Variants in NSUN5 observed in about 807,000 individuals in gnomAD.
The protein encoded by NSUN5 is 28S rRNA (cytosine-C(5))-methyltransferase.
Under a neutral mutation model 51.1 loss-of-function variants are expected in NSUN5, and 39 were observed. The observed-to-expected ratio is 0.76, with a 90% CI of 0.59 to 1.00. NSUN5 has a LOEUF of 1.00. Ranked by LOEUF, NSUN5 falls within the 50% of genes least tolerant of loss-of-function variation. NSUN5 has a pLI of 0.00. For missense variants in NSUN5, 526 were observed against 614.0 expected (o/e 0.86, Z 1.51); for synonymous variants, 266 against 271.5 (o/e 0.98, Z 0.20).
Position 73,303,812 on chromosome 7 carries a change from C to T in NSUN5, c.1145+14G>A, listed in dbSNP as rs372980729. 35 of 1,613,760 alleles carry T rather than the reference C, an allele frequency of 2.2e-5. No individual in the cohort carries two copies. Among genetic ancestry groups the T allele is most frequent in the Middle Eastern group, 3.3e-4 (2 of 6,032 alleles). ...CGTCCCCCACTCCCCACGACCCTGG[C>T]GCCCGCCCTGTACCTGAAGGCGCCC... On this transcript the variant is annotated intron_variant, in intron 8 of 9. Coordinates refer to ENST00000438747, the MANE Select transcript of NSUN5 (RefSeq NM_148956.4).
At chr7:73,306,385 C>CAAAAAAAA (rs36038371) in intron 4 of NSUN5, among the ~76,000 whole-genome samples, 1 of 26,020 alleles carries the variant, frequency 3.8e-5, no homozygotes, top group African/African-American at 2.1e-4. Flanking sequence ...ACCCTTGTCT[C>CAAAAAAAA]AAAAAAAAAA....
chr7:73,302,974 T>C lies in NSUN5; in HGVS notation c.*441A>G, dbSNP rs1554540865. 1.7e-6 allele frequency: 2 copies of C among 1,162,630 alleles called. No individual in the cohort carries two copies. Among genetic ancestry groups the C allele is most frequent in the South Asian group, 2.2e-5 (1 of 46,134 alleles). The allele number at this position is 1,162,630 out of a possible 1,614,324, so 72.0% of individuals were successfully genotyped here. On this transcript the variant is annotated 3_prime_UTR_variant, in exon 10 of 10. Coordinates refer to ENST00000438747, the MANE Select transcript of NSUN5 (RefSeq NM_148956.4). Reference sequence around the variant, plus strand: ...CAATCAAGCTTCTACCTGTACCTTATGTAAGGTAGACCCTCCTAGTGTCAG... The same window carrying C: ...CAATCAAGCTTCTACCTGTACCTTACGTAAGGTAGACCCTCCTAGTGTCAG...
chr7:73,308,059 G>T, intron 2 of NSUN5: 1 of 461,012 alleles, frequency 2.2e-6, no homozygotes, highest in Non-Finnish European at 3.9e-6. Context: ...TTTAGAATGG[G>T]GTCTAGCTCT....
At chr7:73,308,807 ACGGCTCTGTGGCAAAACGCACC>A in exon 1 of NSUN5, 1 of 1,609,536 alleles carries the variant, frequency 6.2e-7, no homozygotes. Flanking sequence ...GCGCGCCTTT[ACGGCTCTGTGGCAAAACGCACC>A]CGGCTCGGCG....
intron 2 of NSUN5, 36 bp from the exon 3 acceptor site, chr7:73,307,793 C>T (rs1586465151): frequency 6.6e-7 from 1 of 1,514,640 alleles, no homozygotes; most frequent in East Asian, 2.5e-5. Flanking sequence ...AACAAAAATG[C>T]CCTAAGCATG....
intron 4 of NSUN5, 99 bp downstream of exon 4, chr7:73,307,295 G>T: frequency 1.2e-6 from 1 of 854,286 alleles, no homozygotes; most frequent in Non-Finnish European, 1.9e-6. Context: ...AAGGTAGGAA[G>T]AAAGCCCAGA....
chr7:73,306,618 G>A (rs1389154662), intron 4 of NSUN5, among the ~76,000 whole-genome samples: 1 of 151,396 alleles, frequency 6.6e-6, no homozygotes, highest in Non-Finnish European at 1.5e-5. Context: ...GGTGGCTCAC[G>A]CCTGTAATCC....
intron 7 of NSUN5, 41 bp downstream of exon 7, chr7:73,304,188 TG>T (rs1803936168): frequency 6.3e-7 from 1 of 1,576,540 alleles, no homozygotes; most frequent in Admixed American, 1.8e-5. Context: ...TAAGCTGCTG[TG>T]GATCTGCGAG....
At chr7:73,304,618 G>A in intron 6 of NSUN5, 129 bp downstream of exon 6, 8 of 939,178 alleles carry the variant, frequency 8.5e-6, no homozygotes, top group Admixed American at 6.0e-5. Context: ...CTTAGCTTGG[G>A]GCAAATACCG....
chr7:73,303,217 T>C lies in NSUN5; in HGVS notation c.*198A>G, dbSNP rs1437177017. On this transcript the variant is annotated 3_prime_UTR_variant, in exon 10 of 10. Coordinates refer to ENST00000438747, the MANE Select transcript of NSUN5 (RefSeq NM_148956.4). ...GCTTGTGACATTAAGAATAAAAAAC[T>C]GTGATCTATCGTAGAGTACGTTCTG... The C allele has an allele frequency of 2.0e-6, 3 of 1,512,614 alleles. No homozygotes were observed. The highest frequency in any genetic ancestry group is 2.7e-6 in the Non-Finnish European group (3 of 1,131,870). 93.7% of individuals were successfully genotyped at this position (1,512,614 alleles called of 1,614,324 possible).
chr7:73,307,907 C>G, intron 2 of NSUN5, 150 bp from the exon 3 acceptor site: 1 of 723,394 alleles, frequency 1.4e-6, no homozygotes, highest in South Asian at 2.0e-5. Context: ...CAAGATCACA[C>G]CAGAAATTAA....
At chr7:73,306,802 AC>A (rs1218706610) in intron 4 of NSUN5, among the ~76,000 whole-genome samples, 8 of 151,960 alleles carry the variant, frequency 5.3e-5, no homozygotes, top group South Asian at 2.1e-4. Flanking sequence ...CATCGCTTGA[AC>A]CCGGGAGGCA....
rs782046370 is a variant in NSUN5 at position 73,307,718 on chromosome 7, C to T, written c.256G>A (p.Gly86Arg). 8.2e-6 allele frequency: 13 copies of T among 1,584,308 alleles called. No individual in the cohort carries two copies. The highest frequency in any genetic ancestry group is 1.1e-5 in the Non-Finnish European group (13 of 1,165,584). ...AGAGCCTTCCATCGGCCCCCACCCCCTCGAAAGCCCTTTCCCAACAACAAC... is the reference window on the plus strand; with the variant it reads ...AGAGCCTTCCATCGGCCCCCACCCCTTCGAAAGCCCTTTCCCAACAACAAC... ...YELLLGKGFR[G>R]GGGRWKALLG... The change falls in exon 3 of 10, where the codon GGG becomes AGG. Residue 86 changes from glycine to arginine, a missense_variant. Coordinates refer to ENST00000438747, the MANE Select transcript of NSUN5 (RefSeq NM_148956.4).
At chr7:73,308,054 A>C in intron 2 of NSUN5, 1 of 463,836 alleles carries the variant, frequency 2.2e-6, no homozygotes, top group Non-Finnish European at 3.8e-6. Flanking sequence ...TTCTTTTTAG[A>C]ATGGGGTCTA....
intron 2 of NSUN5, chr7:73,308,070 G>A: frequency 2.2e-6 from 1 of 455,278 alleles, no homozygotes; most frequent in Non-Finnish European, 3.9e-6. Context: ...GTCTAGCTCT[G>A]TCGCCCAGGC....
Position 73,303,660 on chromosome 7 carries a change from G to A in NSUN5, c.1226C>T (p.Pro409Leu). 3.7e-6 allele frequency: 6 copies of A among 1,614,204 alleles called. No homozygotes were observed. The highest frequency in any genetic ancestry group is 5.1e-6 in the Non-Finnish European group (6 of 1,180,022). The change falls in exon 9 of 10, where the codon CCT becomes CTT. Residue 409 changes from proline (P) to leucine (L), a missense_variant. Physicochemically the swap from Pro to Leu is moderately conservative, Grantham distance 98. Transcript: ENST00000438747. The stretch of plus-strand genomic sequence containing the variant: ...GAAGCCACTGCTGAGTGTGGTCTCA[G>A]GGGAGGCCCGGAGGCAGTGCTCGGC... ...PGAEHCLRAS[P>L]ETTLSSGFFV...
Position 73,308,477 on chromosome 7 carries a change from G to A in NSUN5, c.170C>T (p.Ala57Val). ...SAVLDAVIAS[A>V]GLLRAEKKLR... The stretch of plus-strand genomic sequence containing the variant: ...CTTCTTCTCCGCACGGAGGAGGCCG[G>A]CGCTGGCGATCACAGCATCCAGCAC... The change falls in exon 2 of 10, where the codon GCC (alanine) becomes GTC (valine). Residue 57 changes from alanine (A) to valine (V), a missense_variant. Physicochemically the swap from Ala to Val is moderately conservative, Grantham distance 64. Coordinates refer to ENST00000438747, the MANE Select transcript of NSUN5 (RefSeq NM_148956.4). 2.5e-6 allele frequency: 4 copies of A among 1,608,156 alleles called. No homozygotes were observed. The highest frequency in any genetic ancestry group is 2.2e-5 in the South Asian group (2 of 90,900).
In NSUN5 at chr7:73,302,785, G is replaced by A. The variant is rs1477408812; in HGVS notation, c.*630C>T. 1.4e-5 allele frequency: 14 copies of A among 987,312 alleles called. No individual in the cohort carries two copies. Among genetic ancestry groups the A allele is most frequent in the South Asian group, 9.3e-5 (2 of 21,442 alleles). The allele number at this position is 987,312 out of a possible 1,614,324, so 61.2% of individuals were successfully genotyped here. ...TAAATGTAACTGGTGCCCCCTCCCC[G>A]ATGTGACTGAGGGTGAGTGAGTGGT... On this transcript the variant is annotated 3_prime_UTR_variant, in exon 10 of 10. Transcript: ENST00000438747.
At position 73,303,216 on chromosome 7, in the gene NSUN5, CTG is replaced by C. The variant is rs1292876740; in HGVS notation, c.*197_*198del. 6.6e-7 allele frequency: 1 copy of C among 1,509,656 alleles called. No individual in the cohort carries two copies. Among genetic ancestry groups the C allele is most frequent in the Non-Finnish European group, 8.8e-7 (1 of 1,130,364 alleles). The allele number at this position is 1,509,656 out of a possible 1,614,324, so 93.5% of individuals were successfully genotyped here. A position where few individuals can be genotyped will look rare whatever the true frequency, so the allele number is the denominator to read the frequency against. On this transcript the variant is annotated 3_prime_UTR_variant, in exon 10 of 10. Transcript: ENST00000438747. The stretch of plus-strand genomic sequence containing the variant: ...TGCTTGTGACATTAAGAATAAAAAA[CTG>C]TGATCTATCGTAGAGTACGTTCTGC...
Sources: gnomAD v4.1 joint callset for allele counts (sites outside exome capture counted in the v4.1 genomes callset) on GRCh38, gnomAD v4.1.1 for gene constraint, MANE v1.5 for transcripts, NCBI Gene and HGNC (gene_info 2026-07-23, HGNC 2026-07-21) for gene names.